STIL: variants seen among roughly 807,000 people sequenced by gnomAD.
STIL encodes the protein STIL centriolar assembly protein, also known as SCL-interrupting locus protein.
Under a neutral mutation model 110.1 loss-of-function variants are expected in STIL, and 55 were observed. The ratio of observed to expected loss-of-function variants is 0.50; its 90% CI spans 0.40 to 0.63. The LOEUF (loss-of-function observed/expected upper bound fraction) is 0.63, where lower values mean the gene tolerates loss of function less well. STIL is among the 20% of genes least tolerant of loss of function. STIL has a pLI of 0.00. For missense variants in STIL, 1,358 were observed against 1,530.0 expected, an observed-to-expected ratio of 0.89 and a Z score of 1.87; for synonymous variants, 481 against 530.0, an observed-to-expected ratio of 0.91 and a Z score of 1.27.
intron 2 of STIL, among the ~76,000 whole-genome samples, chr1:47,310,068 C>T (rs1646077622): frequency 6.6e-6 from 1 of 152,186 alleles, no homozygotes; most frequent in South Asian, 2.1e-4. Context: ...TTCTGTGAGA[C>T]AGAGATTACC....
At chr1:47,274,142 T>A (rs1159374618) in intron 12 of STIL, among the ~76,000 whole-genome samples, 2 of 152,108 alleles carry the variant, frequency 1.3e-5, no homozygotes, top group African/African-American at 4.8e-5. Flanking sequence ...CATATAATAC[T>A]GATCATTTCT....
chr1:47,285,538 A>G (rs1645272227), intron 10 of STIL, among the ~76,000 whole-genome samples: 1 of 152,026 alleles, frequency 6.6e-6, no homozygotes, highest in Non-Finnish European at 1.5e-5. Flanking sequence ...GCTCACTACA[A>G]CCTGTGCCTC....
intron 12 of STIL, among the ~76,000 whole-genome samples, chr1:47,273,889 G>A (rs777254842): frequency 7.9e-5 from 12 of 152,128 alleles, no homozygotes; most frequent in Admixed American, 2.0e-4. Flanking sequence ...GTATAAAATG[G>A]CATGTGTATT....
At chr1:47,270,258 A>G (rs1204675446) in intron 13 of STIL, among the ~76,000 whole-genome samples, 1 of 123,556 alleles carries the variant, frequency 8.1e-6, no homozygotes, top group Non-Finnish European at 1.8e-5. Context: ...ATATATATAC[A>G]CACACACACA....
chr1:47,310,182 A>G, intron 2 of STIL, 94 bp downstream of exon 2: 1 of 1,281,980 alleles, frequency 7.8e-7, no homozygotes. Context: ...GAATTTCCTG[A>G]TTCTAAAGAT....
At position 47,289,318 on chromosome 1, in the gene STIL, TAAAC is replaced by T. The variant is rs112287527; in HGVS notation, c.1023+113_1023+116del. 0.03 allele frequency: 19,508 copies of T among 650,676 alleles called. 2,816 individuals are homozygous for T. The African/African-American group carries it at 0.32, about 11-fold the overall frequency. 40.3% of individuals were successfully genotyped at this position (650,676 alleles called of 1,614,324 possible). On this transcript the variant is annotated intron_variant, in intron 9 of 16. Transcript: ENST00000371877. ...AATATTTAATAAGATTATTTATAAG[TAAAC>T]AAAGCATAATAGTTTGGATTACTAT...
chr1:47,303,114 C>A (rs1252055254), intron 3 of STIL, among the ~76,000 whole-genome samples: 1 of 152,028 alleles, frequency 6.6e-6, no homozygotes, highest in East Asian at 1.9e-4. Context: ...AAAAGCCATA[C>A]AGAACTTAAA....
chr1:47,299,855 G>A, intron 6 of STIL, 50 bp downstream of exon 6: 1 of 1,571,900 alleles, frequency 6.4e-7, no homozygotes. Flanking sequence ...TGGACATTCT[G>A]AAAATATACT....
At chr1:47,274,707 A>G (rs896052369) in intron 12 of STIL, among the ~76,000 whole-genome samples, 3 of 152,094 alleles carry the variant, frequency 2.0e-5, no homozygotes, top group Admixed American at 2.0e-4. Context: ...TCCATTAAAA[A>G]AAAAAAAGCC....
At chr1:47,262,302 C>A (rs1027428213) in intron 15 of STIL, among the ~76,000 whole-genome samples, 5 of 152,084 alleles carry the variant, frequency 3.3e-5, no homozygotes, top group Non-Finnish European at 5.9e-5. Context: ...TCCTTTAAGT[C>A]CCAGATCACA....
chr1:47,265,628 A>T (rs929035732), intron 14 of STIL, among the ~76,000 whole-genome samples: 2 of 151,854 alleles, frequency 1.3e-5, no homozygotes, highest in Admixed American at 1.3e-4. Flanking sequence ...TAAAAATACA[A>T]AACTTAGCCG....
intron 1 of STIL, among the ~76,000 whole-genome samples, 165 bp from the exon 2 acceptor site, chr1:47,310,527 G>A (rs1261377531): frequency 5.9e-5 from 9 of 152,118 alleles, no homozygotes; most frequent in African/African-American, 9.7e-5. Flanking sequence ...ATTTTCATAC[G>A]TTAGAGTCAT....
rs755962305 is a variant in STIL, at chr1:47,302,258, G to C, written c.241C>G (p.Leu81Val). 6 of 1,613,770 alleles carry C rather than the reference G, an allele frequency of 3.7e-6. No homozygotes were observed. The African/African-American group carries it at 8.0e-5, about 22-fold the overall frequency. Residue 81 changes from leucine to valine, a missense_variant, in exon 4 of 17, where the codon CTT becomes GTT. Coordinates refer to ENST00000371877, the MANE Select transcript of STIL (RefSeq NM_001048166.1). ...CCTTCGTCTGCTGTCAGAGAACCAA[G>C]TAAAAAGCATGACGAATTTTTTTTA... Reference protein sequence around the residue: ...QNKKNSSCFLLGSLTADEDEE... With the variant: ...QNKKNSSCFLVGSLTADEDEE...
At chr1:47,295,905 G>A (rs1645629187) in intron 6 of STIL, 57 bp from the exon 7 acceptor site, 1 of 1,257,898 alleles carries the variant, frequency 7.9e-7, no homozygotes, top group Non-Finnish European at 1.2e-6. Flanking sequence ...TTACCTAAAA[G>A]ACATAATCTA....
chr1:47,269,442 T>C (rs1384571052), intron 14 of STIL, among the ~76,000 whole-genome samples, 193 bp downstream of exon 14: 2 of 152,216 alleles, frequency 1.3e-5, no homozygotes, highest in East Asian at 3.8e-4. Context: ...TTGCTAATAG[T>C]AGACTTCAAA....
chr1:47,254,130 G>A (rs61782702), intron 16 of STIL, among the ~76,000 whole-genome samples: 3 of 134,700 alleles, frequency 2.2e-5, no homozygotes, highest in Non-Finnish European at 4.6e-5. Flanking sequence ...GCAGTGAGCC[G>A]AGATTGCGTC....
At chr1:47,293,340 G>T in intron 8 of STIL, 118 bp downstream of exon 8, 4 of 765,262 alleles carry the variant, frequency 5.2e-6, no homozygotes, top group Admixed American at 2.5e-5. Flanking sequence ...CTTAATGTAC[G>T]TGTTTATTTA....
At chr1:47,256,085 G>A (rs1011311097) in intron 16 of STIL, among the ~76,000 whole-genome samples, 1 of 152,126 alleles carries the variant, frequency 6.6e-6, no homozygotes, top group Non-Finnish European at 1.5e-5. Context: ...ATAGAAAAAT[G>A]TGTCTTACAT....
intron 8 of STIL, among the ~76,000 whole-genome samples, chr1:47,291,256 G>A (rs967385139): frequency 3.3e-5 from 5 of 152,102 alleles, no homozygotes; most frequent in African/African-American, 1.2e-4. Flanking sequence ...AGCTACTCAG[G>A]AGGCTGAGGC....
Sources: gnomAD v4.1 joint callset for allele counts (sites outside exome capture counted in the v4.1 genomes callset) on GRCh38, gnomAD v4.1.1 for gene constraint, MANE v1.5 for transcripts, NCBI Gene and HGNC (gene_info 2026-07-23, HGNC 2026-07-21) for gene names.